The following MUSK variants were observed in gnomAD, a reference collection of about 807,000 sequenced individuals.
The protein encoded by MUSK is muscle, skeletal receptor tyrosine-protein kinase.
A neutral mutation model predicts 88.7 loss-of-function variants in MUSK; 55 were observed. That is an observed-to-expected ratio of 0.62 (90% CI 0.50 to 0.78). The LOEUF is 0.78. Among genes scored for constraint, MUSK ranks in the 30% least tolerant of loss-of-function variants. The probability of loss-of-function intolerance (pLI) is 0.00; values close to 1 mark genes in which losing one functional copy is unlikely to be tolerated. For synonymous variants in MUSK, 387 were observed against 391.9 expected (o/e 0.99, Z 0.15); for missense variants, 1,015 against 1,074.3 (o/e 0.94, Z 0.77).
At chr9:110,773,190 A>G (rs570475256) in intron 9 of MUSK, among the ~76,000 whole-genome samples, 89 of 152,246 alleles carry the variant, frequency 5.8e-4, no homozygotes, top group Middle Eastern at 3.4e-3. Context: ...CAACTTATAT[A>G]TAACTTTAGA....
intron 8 of MUSK, among the ~76,000 whole-genome samples, chr9:110,765,810 G>A (rs757001532): frequency 6.6e-6 from 1 of 152,096 alleles, no homozygotes; most frequent in Non-Finnish European, 1.5e-5. Context: ...CTGACCTCAG[G>A]TGATCCACCC....
In MUSK at chr9:110,747,228, G is replaced by T. The variant is rs1287721551; in HGVS notation, c.754-413G>T. Among the ~76,000 whole-genome samples the T allele has an allele frequency of 2.0e-5, 3 of 152,214 alleles. No homozygotes were observed. In the East Asian group the frequency reaches 5.8e-4, roughly 29 times the overall value. ...GGTAGTTGGTTCAGAATAGCCTTAT[G>T]CGTACCTTGGATGGTTGTTGTTGGT... is the stretch of plus-strand genomic sequence containing the variant. On this transcript the variant is annotated intron_variant, in intron 6 of 14. Coordinates refer to ENST00000374448, the MANE Select transcript of MUSK (RefSeq NM_005592.4).
intron 7 of MUSK, among the ~76,000 whole-genome samples, chr9:110,755,984 A>G (rs1382201852): frequency 7.9e-6 from 1 of 126,046 alleles, no homozygotes; most frequent in African/African-American, 2.9e-5. Context: ...ATATACATAT[A>G]TATATATATA....
intron 3 of MUSK, among the ~76,000 whole-genome samples, chr9:110,690,081 TAAATATATATTATATAAGTATAAATATAG>T (rs1564219002): frequency 7.5e-5 from 7 of 93,654 alleles, no homozygotes; most frequent in Admixed American, 3.4e-4. Context: ...TATAAATATA[TAAATATATATTATATAAGTATAAATATAG>T]AAATATATAT....
At chr9:110,680,004 G>GT (rs1477165110) in intron 1 of MUSK, among the ~76,000 whole-genome samples, 1 of 151,928 alleles carries the variant, frequency 6.6e-6, no homozygotes. Flanking sequence ...TTATGCTATT[G>GT]TTTTTTATAA....
In MUSK at chr9:110,729,241, G is replaced by A. The variant is rs1338748474; in HGVS notation, c.629-5010G>A. 2.5e-5 allele frequency among the ~76,000 whole-genome samples: 2 copies of A among 79,418 alleles called. 1 individual carries two copies. The highest frequency in any genetic ancestry group is 6.8e-5 in the Non-Finnish European group (2 of 29,422). The allele number at this position is 79,418 out of a possible 152,430, so 52.1% of individuals were successfully genotyped here. ...ATATGTTTGTAGTGGAATATGTTTAGAGGAAAATAGCTGGAAATTAAATTT... is the reference window on the plus strand; with the variant it reads ...ATATGTTTGTAGTGGAATATGTTTAAAGGAAAATAGCTGGAAATTAAATTT... On this transcript the variant is annotated intron_variant, in intron 5 of 14. Coordinates refer to ENST00000374448, the MANE Select transcript of MUSK (RefSeq NM_005592.4).
chr9:110,706,769 C>T (rs1177366445), intron 5 of MUSK, among the ~76,000 whole-genome samples: 1 of 152,060 alleles, frequency 6.6e-6, no homozygotes, highest in African/African-American at 2.4e-5. Flanking sequence ...TTTGGGAGGT[C>T]GAGGCAGGCG....
chr9:110,782,060 T>G (rs746277512), intron 11 of MUSK, among the ~76,000 whole-genome samples: 14 of 152,242 alleles, frequency 9.2e-5, no homozygotes, highest in Admixed American at 2.0e-4. Context: ...TTGTTTTATT[T>G]CTCCATTTAT....
chr9:110,679,598 A>G (rs2076081173), intron 1 of MUSK, among the ~76,000 whole-genome samples: 1 of 151,612 alleles, frequency 6.6e-6, no homozygotes, highest in Non-Finnish European at 1.5e-5. Context: ...TCTGTTAACC[A>G]TGCTTTTTCT....
chr9:110,682,535 C>T (rs559691539), intron 1 of MUSK, 139 bp from the exon 2 acceptor site: 1 of 744,026 alleles, frequency 1.3e-6, no homozygotes, highest in East Asian at 2.7e-5. Flanking sequence ...TTTACATAAG[C>T]TCTTCCTTTC....
intron 9 of MUSK, 81 bp downstream of exon 9, chr9:110,768,164 A>C: frequency 7.4e-7 from 1 of 1,349,254 alleles, no homozygotes; most frequent in Non-Finnish European, 1.0e-6. Flanking sequence ...AAATGTTGTA[A>C]TATGCAACAG....
At chr9:110,676,164 AT>A (rs1347464411) in intron 1 of MUSK, among the ~76,000 whole-genome samples, 1 of 151,830 alleles carries the variant, frequency 6.6e-6, no homozygotes, top group Non-Finnish European at 1.5e-5. Flanking sequence ...ATATGTATTC[AT>A]TTTTTTAAAA....
intron 1 of MUSK, among the ~76,000 whole-genome samples, chr9:110,675,422 C>G (rs1307986435): frequency 7.0e-5 from 10 of 142,856 alleles, no homozygotes; most frequent in Admixed American, 3.5e-4. Context: ...GGGGTTTCAC[C>G]CTGTTAGCCA....
At chr9:110,690,115 ATATAT>A (rs1236473953) in intron 3 of MUSK, among the ~76,000 whole-genome samples, 5 of 52,158 alleles carry the variant, frequency 9.6e-5, no homozygotes, top group Admixed American at 2.6e-4. Flanking sequence ...ATATAGAAAT[ATATAT>A]TATATAAGTA....
rs2078112937 is a variant in MUSK, at chr9:110,802,767, A to G, written c.*1779A>G. 6.6e-6 allele frequency among the ~76,000 whole-genome samples: 1 copy of G among 152,184 alleles called. No homozygotes were observed. The highest frequency in any genetic ancestry group is 1.5e-5 in the Non-Finnish European group (1 of 68,038). On this transcript the variant is annotated 3_prime_UTR_variant, in exon 15 of 15. Coordinates refer to ENST00000374448, the MANE Select transcript of MUSK (RefSeq NM_005592.4). ...TATTAGCTGGCCTTCCTCTCATTTC[A>G]GACCTGAACAGATTCTGTAGGATAC...
intron 6 of MUSK, among the ~76,000 whole-genome samples, chr9:110,741,122 A>G (rs2077092242): frequency 1.3e-5 from 2 of 152,174 alleles, no homozygotes; most frequent in Non-Finnish European, 2.9e-5. Flanking sequence ...CTAAGAGGGT[A>G]GATCCTAAGT....
At chr9:110,738,717 G>T (rs530580522) in intron 6 of MUSK, among the ~76,000 whole-genome samples, 1 of 152,282 alleles carries the variant, frequency 6.6e-6, no homozygotes, top group African/African-American at 2.4e-5. Context: ...AATAACTGGT[G>T]CAAGAGAGCT....
At position 110,780,930 on chromosome 9, in the gene MUSK, G is replaced by A. The variant is rs997126973; in HGVS notation, c.1385-3885G>A. Among the ~76,000 whole-genome samples, 60 of 152,280 alleles carry A rather than the reference G, an allele frequency of 3.9e-4. 1 individual carries two copies. Among genetic ancestry groups the A allele is most frequent in the African/African-American group, 1.4e-3 (59 of 41,550 alleles). ...CCCATTGAAATCAGGATGGTAGACA[G>A]ACCTTTCTAATGCAAAAAGTTGATC... On this transcript the variant is annotated intron_variant, in intron 11 of 14. Coordinates refer to ENST00000374448, the MANE Select transcript of MUSK (RefSeq NM_005592.4).
chr9:110,703,925 A>T (rs991846955), intron 5 of MUSK, among the ~76,000 whole-genome samples: 2 of 152,202 alleles, frequency 1.3e-5, no homozygotes, highest in Non-Finnish European at 2.9e-5. Context: ...AGAAATAAGC[A>T]TTTCACACCC....
Sources: gnomAD v4.1 joint callset for allele counts (sites outside exome capture counted in the v4.1 genomes callset) on GRCh38, gnomAD v4.1.1 for gene constraint, MANE v1.5 for transcripts, NCBI Gene and HGNC (gene_info 2026-07-23, HGNC 2026-07-21) for gene names.